The following RBPJ variants were observed in gnomAD, a reference collection of about 807,000 sequenced individuals.
The protein encoded by RBPJ is recombining binding protein suppressor of hairless.
A neutral mutation model predicts 67.8 loss-of-function variants in RBPJ; 9 were observed. That is an observed-to-expected ratio of 0.13 (90% CI 0.08 to 0.23). The LOEUF is 0.23. RBPJ is among the 10% of genes least tolerant of loss of function. The pLI is 1.00. For missense variants in RBPJ, 305 were observed against 595.6 expected, an observed-to-expected ratio of 0.51 and a Z score of 5.08; for synonymous variants, 198 against 203.3, an observed-to-expected ratio of 0.97 and a Z score of 0.22.
chr4:26,359,658 T>TCTCCCACCCCGC (rs1429180040), intron 1 of RBPJ: 4 of 151,888 alleles, frequency 2.6e-5, no homozygotes, highest in African/African-American at 4.8e-5. Context: ...TCCCGAGTGC[T>TCTCCCACCCCGC]CTCCCACCCC....
the RBPJ span, among the ~76,000 whole-genome samples, chr4:26,107,948 G>C: frequency 2.6e-5 from 4 of 152,116 alleles, no homozygotes; most frequent in Non-Finnish European, 5.9e-5. Context: ...TTGGGCTCCT[G>C]CTTCATCGTG....
intron 1 of RBPJ, among the ~76,000 whole-genome samples, chr4:26,283,578 G>T (rs1004053515): frequency 6.6e-6 from 1 of 151,420 alleles, no homozygotes; most frequent in African/African-American, 2.4e-5. Flanking sequence ...AAAGATATAG[G>T]ATTTTCTAAA....
At chr4:26,218,148 T>C (rs80214325) in intron 1 of RBPJ, among the ~76,000 whole-genome samples, 2,031 of 152,262 alleles carry the variant, frequency 0.013, 38 homozygotes, top group African/African-American at 0.046. Flanking sequence ...AGTTTTGTCT[T>C]TGTTCATGTG....
chr4:26,319,866 A>C (rs760355202), upstream of RBPJ: 2 of 1,554,224 alleles, frequency 1.3e-6, no homozygotes, highest in South Asian at 2.3e-5. Flanking sequence ...AGAGCAAAGG[A>C]GGGGAAAGAT....
chr4:26,141,443 C>T, the RBPJ span, among the ~76,000 whole-genome samples: 1 of 152,210 alleles, frequency 6.6e-6, no homozygotes, highest in African/African-American at 2.4e-5. Flanking sequence ...AGGGCAGGAC[C>T]CAAGCCAGGC....
the RBPJ span, among the ~76,000 whole-genome samples, chr4:26,115,043 A>G: frequency 6.6e-6 from 1 of 152,208 alleles, no homozygotes; most frequent in Non-Finnish European, 1.5e-5. Flanking sequence ...CTGCTACTGC[A>G]CGTCTCTTCC....
the RBPJ span, among the ~76,000 whole-genome samples, chr4:26,131,108 A>G: frequency 6.6e-6 from 1 of 152,240 alleles, no homozygotes; most frequent in African/African-American, 2.4e-5. Context: ...AACTGGCCTC[A>G]GCTTATCAGA....
chr4:26,394,922 G>C (rs1186632245), intron 2 of RBPJ, among the ~76,000 whole-genome samples: 1 of 152,078 alleles, frequency 6.6e-6, no homozygotes, highest in African/African-American at 2.4e-5. Context: ...AAGGTTTGTT[G>C]TAATTGTTGT....
At chr4:26,318,959 T>C (rs1197833107), upstream of RBPJ, among the ~76,000 whole-genome samples, 5 of 132,380 alleles carry the variant, frequency 3.8e-5, no homozygotes, top group South Asian at 1.2e-3. Flanking sequence ...ATCGCGCCAC[T>C]GCACTCTAGC....
intron 1 of RBPJ, among the ~76,000 whole-genome samples, chr4:26,243,834 C>A (rs1719729263): frequency 6.6e-6 from 1 of 152,132 alleles, no homozygotes; most frequent in Non-Finnish European, 1.5e-5. Flanking sequence ...GTGGATCACT[C>A]CTTTAATCTC....
At chr4:26,161,388 G>T, upstream of RBPJ, among the ~76,000 whole-genome samples, 1 of 152,230 alleles carries the variant, frequency 6.6e-6, no homozygotes, top group East Asian at 1.9e-4. Context: ...AAAGCAAACT[G>T]ACATAGTGAT....
intron 1 of RBPJ, among the ~76,000 whole-genome samples, chr4:26,206,903 T>G (rs999153537): frequency 2.0e-5 from 3 of 152,096 alleles, no homozygotes; most frequent in Non-Finnish European, 4.4e-5. Flanking sequence ...AATGCCTAAG[T>G]AAAGGTCCCC....
chr4:26,313,753 T>C (rs551121852), intron 1 of RBPJ, among the ~76,000 whole-genome samples: 3 of 151,902 alleles, frequency 2.0e-5, no homozygotes, highest in African/African-American at 7.3e-5. Flanking sequence ...GAAGAATTGC[T>C]TGAACTTGGG....
intron 1 of RBPJ, among the ~76,000 whole-genome samples, chr4:26,190,449 C>G (rs1219302232): frequency 1.3e-5 from 2 of 152,100 alleles, no homozygotes; most frequent in African/African-American, 4.8e-5. Flanking sequence ...GAGTTTGGTA[C>G]CCAGAAGGCT....
chr4:26,332,093 T>A (rs564474093), intron 1 of RBPJ, among the ~76,000 whole-genome samples: 2 of 152,330 alleles, frequency 1.3e-5, no homozygotes, highest in Non-Finnish European at 2.9e-5. Flanking sequence ...AGTGAATTAA[T>A]TTCAGCATTC....
the RBPJ span, among the ~76,000 whole-genome samples, chr4:26,124,415 CATAT>C: frequency 0.024 from 1,474 of 62,002 alleles, 34 homozygotes; most frequent in Admixed American, 0.026. Context: ...AGTATTCCAT[CATAT>C]ATATATATAT....
chr4:26,181,248 C>A (rs1318978191), intron 1 of RBPJ, among the ~76,000 whole-genome samples: 1 of 152,176 alleles, frequency 6.6e-6, no homozygotes, highest in African/African-American at 2.4e-5. Flanking sequence ...TGTAAGTCTG[C>A]GTGACCCATC....
intron 1 of RBPJ, among the ~76,000 whole-genome samples, chr4:26,344,437 A>T (rs1462665727): frequency 6.6e-6 from 1 of 150,622 alleles, no homozygotes; most frequent in African/African-American, 2.4e-5. Flanking sequence ...GGGTTTCACC[A>T]TGTTGGCCAG....
At chr4:26,107,605 C>T in the RBPJ span, among the ~76,000 whole-genome samples, 1 of 152,208 alleles carries the variant, frequency 6.6e-6, no homozygotes. Context: ...CCCTCAGATG[C>T]TTCTCTTTGG....
Sources: gnomAD v4.1 joint callset for allele counts (sites outside exome capture counted in the v4.1 genomes callset) on GRCh38, gnomAD v4.1.1 for gene constraint, MANE v1.5 for transcripts, NCBI Gene and HGNC (gene_info 2026-07-23, HGNC 2026-07-21) for gene names.